The following RBFOX1 variants were observed in gnomAD, a reference collection of about 807,000 sequenced individuals.
The protein encoded by RBFOX1 is RNA binding protein fox-1 homolog 1.
In RBFOX1, 8 loss-of-function variants were observed where a neutral mutation model predicts 57.7. The observed-to-expected ratio is 0.14, with a 90% CI of 0.08 to 0.25. The LOEUF (loss-of-function observed/expected upper bound fraction) is 0.25, where lower values mean the gene tolerates loss of function less well. RBFOX1 is among the 10% of genes least tolerant of loss of function. RBFOX1 has a pLI of 1.00. For missense variants in RBFOX1, 611 were observed against 548.5 expected, an observed-to-expected ratio of 1.11 and a Z score of -1.14; for synonymous variants, 326 against 222.4, an observed-to-expected ratio of 1.47 and a Z score of -4.15.
intron 3 of RBFOX1, among the ~76,000 whole-genome samples, chr16:6,972,657 T>C (rs375974469): frequency 2.6e-5 from 4 of 152,114 alleles, no homozygotes; most frequent in Admixed American, 6.5e-5. Flanking sequence ...AGCAAATGCT[T>C]TGGGGACAGA....
chr16:7,123,274 C>G (rs921394604), intron 4 of RBFOX1, among the ~76,000 whole-genome samples: 1 of 152,120 alleles, frequency 6.6e-6, no homozygotes, highest in Non-Finnish European at 1.5e-5. Flanking sequence ...ATATCTCCAG[C>G]CCATAGCATC....
chr16:6,636,845 T>A (rs1192952165), intron 2 of RBFOX1, among the ~76,000 whole-genome samples: 1 of 94,688 alleles, frequency 1.1e-5, no homozygotes, highest in African/African-American at 3.9e-5. Context: ...TAATATATAA[T>A]ATATATAATA....
At chr16:6,812,299 TCTA>T (rs2088869891) in intron 3 of RBFOX1, among the ~76,000 whole-genome samples, 1 of 152,126 alleles carries the variant, frequency 6.6e-6, no homozygotes. Flanking sequence ...GCTAGGACGG[TCTA>T]CTAACAGAAC....
chr16:5,270,738 A>G (rs2062983428), intron 1 of RBFOX1: 2 of 481,336 alleles, frequency 4.2e-6, no homozygotes, highest in South Asian at 1.8e-5. Flanking sequence ...ATAAATTGAT[A>G]CCAGATAACA....
At chr16:6,161,271 C>T (rs145989811) in intron 1 of RBFOX1, among the ~76,000 whole-genome samples, 61 of 151,868 alleles carry the variant, frequency 4.0e-4, no homozygotes, top group African/African-American at 1.5e-3. Context: ...CGCCTGTAAT[C>T]CCAGCTACTC....
intron 4 of RBFOX1, among the ~76,000 whole-genome samples, chr16:7,293,329 C>T (rs1377533724): frequency 6.6e-6 from 1 of 152,118 alleles, no homozygotes; most frequent in African/African-American, 2.4e-5. Context: ...AGGTTATAAG[C>T]AAATACTACA....
chr16:6,190,077 G>C (rs539006759), intron 1 of RBFOX1, among the ~76,000 whole-genome samples: 3 of 152,138 alleles, frequency 2.0e-5, no homozygotes, highest in Non-Finnish European at 4.4e-5. Flanking sequence ...CAGGTGTGCA[G>C]TTTTATTATT....
At chr16:6,866,886 C>G (rs11645245) in intron 3 of RBFOX1, among the ~76,000 whole-genome samples, 35,901 of 151,884 alleles carry the variant, frequency 0.24, 4,828 homozygotes, top group Admixed American at 0.37. Context: ...ATGTGTATTA[C>G]TTGCCACACA....
chr16:6,759,951 G>A (rs1483850618), intron 3 of RBFOX1, among the ~76,000 whole-genome samples: 1 of 152,188 alleles, frequency 6.6e-6, no homozygotes, highest in Non-Finnish European at 1.5e-5. Context: ...TATTAGTTGA[G>A]AGGATATTTT....
intron 2 of RBFOX1, among the ~76,000 whole-genome samples, chr16:5,470,574 G>A (rs1019609458): frequency 6.6e-6 from 1 of 152,080 alleles, no homozygotes; most frequent in African/African-American, 2.4e-5. Flanking sequence ...TAACAATTCA[G>A]TGGGCGTCAC....
At chr16:7,404,911 C>G (rs1202041329) in intron 4 of RBFOX1, among the ~76,000 whole-genome samples, 1 of 152,092 alleles carries the variant, frequency 6.6e-6, no homozygotes, top group Non-Finnish European at 1.5e-5. Context: ...GATTTTATTT[C>G]CAGTGAGTAG....
intron 3 of RBFOX1, among the ~76,000 whole-genome samples, chr16:5,848,986 A>AC (rs963267033): frequency 1.3e-5 from 2 of 151,546 alleles, no homozygotes; most frequent in Admixed American, 6.6e-5. Flanking sequence ...ACAAAAAAAA[A>AC]CAGAAAAGTA....
chr16:6,867,692 A>C lies in RBFOX1; in HGVS notation c.-15-184365A>C, dbSNP rs140985641. On this transcript the variant is annotated intron_variant, in intron 3 of 15. Coordinates refer to ENST00000550418, the MANE Select transcript of RBFOX1 (RefSeq NM_018723.4). ...GCCGAGATTGCCTGGGTGACAGAGCACAAGACTCTGTCTCAGAAGGACAAA... is the reference window on the plus strand; with the variant it reads ...GCCGAGATTGCCTGGGTGACAGAGCCCAAGACTCTGTCTCAGAAGGACAAA... Among the ~76,000 whole-genome samples the C allele has an allele frequency of 3.0e-4, 46 of 152,254 alleles. No individual in the cohort carries two copies. In the East Asian group the frequency reaches 8.1e-3, roughly 27 times the overall value.
chr16:6,815,579 C>T (rs1020348832), intron 3 of RBFOX1, among the ~76,000 whole-genome samples: 4 of 152,134 alleles, frequency 2.6e-5, no homozygotes, highest in Admixed American at 6.5e-5. Context: ...TCATTTAATC[C>T]TCCCGTCATT....
chr16:5,264,312 T>C (rs2062808003), intron 1 of RBFOX1, among the ~76,000 whole-genome samples: 1 of 152,160 alleles, frequency 6.6e-6, no homozygotes, highest in South Asian at 2.1e-4. Flanking sequence ...CAGTTGGATG[T>C]CTGTGCATTG....
intron 3 of RBFOX1, among the ~76,000 whole-genome samples, chr16:6,980,863 T>C (rs1389143973): frequency 6.6e-6 from 1 of 151,988 alleles, no homozygotes; most frequent in East Asian, 1.9e-4. Context: ...GCTAACATGT[T>C]GAAACCCCAT....
intron 4 of RBFOX1, among the ~76,000 whole-genome samples, chr16:7,147,463 C>A (rs151228110): frequency 5.3e-4 from 80 of 152,142 alleles, no homozygotes; most frequent in Non-Finnish European, 9.3e-4. Context: ...TCAACCCCGG[C>A]CTTCCCACTC....
At chr16:6,937,701 G>A (rs1426997134) in intron 3 of RBFOX1, among the ~76,000 whole-genome samples, 1 of 152,130 alleles carries the variant, frequency 6.6e-6, no homozygotes, top group East Asian at 1.9e-4. Flanking sequence ...GGTTAAAAGA[G>A]TTATTATCGA....
At chr16:5,762,077 A>T (rs1406478974) in intron 3 of RBFOX1, among the ~76,000 whole-genome samples, 2 of 152,180 alleles carry the variant, frequency 1.3e-5, no homozygotes, top group African/African-American at 4.8e-5. Flanking sequence ...AAATGGATCT[A>T]TTGTAAGAAT....
Sources: allele counts gnomAD v4.1 joint callset (sites outside exome capture counted in the v4.1 genomes callset), GRCh38; gene constraint gnomAD v4.1.1; transcripts MANE v1.5; gene names NCBI Gene and HGNC (gene_info 2026-07-23, HGNC 2026-07-21).